CADPS: variants seen among roughly 807,000 people sequenced by gnomAD.
CADPS encodes the protein calcium dependent secretion activator.
In CADPS, 57 loss-of-function variants were observed where a neutral mutation model predicts 167.3. The ratio of observed to expected loss-of-function variants is 0.34; its 90% CI spans 0.28 to 0.42. The LOEUF (loss-of-function observed/expected upper bound fraction) is 0.42, where lower values mean the gene tolerates loss of function less well. Ranked by LOEUF, CADPS falls within the 20% of genes least tolerant of loss-of-function variation. The probability of loss-of-function intolerance (pLI) is 1.00; values close to 1 mark genes in which losing one functional copy is unlikely to be tolerated. For missense variants in CADPS, 1,414 were observed against 1,738.1 expected, an observed-to-expected ratio of 0.81 and a Z score of 3.32; for synonymous variants, 676 against 635.3, an observed-to-expected ratio of 1.06 and a Z score of -0.96.
chr3:62,429,621 G>C (rs1384198999), intron 28 of CADPS, among the ~76,000 whole-genome samples: 3 of 151,862 alleles, frequency 2.0e-5, no homozygotes, highest in South Asian at 2.1e-4. Flanking sequence ...GTTTGTGTGT[G>C]TGTGTGTGTG....
chr3:62,694,512 CA>C (rs2079899083), intron 3 of CADPS, among the ~76,000 whole-genome samples: 1 of 151,986 alleles, frequency 6.6e-6, no homozygotes, highest in African/African-American at 2.4e-5. Flanking sequence ...GGGGGAAGAT[CA>C]ATTACATTAG....
At position 62,583,155 on chromosome 3, in the gene CADPS, GTCTCTCTCTCTCTCTC is replaced by G. The variant is rs61474581; in HGVS notation, c.1577+2014_1577+2029del. 2.5e-3 allele frequency among the ~76,000 whole-genome samples: 365 copies of G among 147,298 alleles called. 8 individuals carry two copies. Among genetic ancestry groups the G allele is most frequent in the Admixed American group, 0.022 (326 of 14,808 alleles). ...CTCTTTGATCTGCCCTACCCTCTTTGTCTCTCTCTCTCTCTCTCTCTCTCTCTCTCTCTTTCTACGT... is the reference window on the plus strand; with the variant it reads ...CTCTTTGATCTGCCCTACCCTCTTTGTCTCTCTCTCTCTCTCTTTCTACGT... On this transcript the variant is annotated intron_variant, in intron 8 of 29. Transcript: ENST00000383710.
chr3:62,445,875 C>G, intron 26 of CADPS, 78 bp from the exon 27 acceptor site: 1 of 1,016,580 alleles, frequency 9.8e-7, no homozygotes. Flanking sequence ...GTATCCCCAT[C>G]AGAATCAAAA....
At chr3:62,860,398 T>A (rs1056506766) in intron 1 of CADPS, among the ~76,000 whole-genome samples, 2 of 152,140 alleles carry the variant, frequency 1.3e-5, no homozygotes, top group African/African-American at 4.8e-5. Flanking sequence ...CCATCATCCC[T>A]CAGTATCTGC....
At chr3:62,444,959 A>ACCT (rs1260664074) in intron 27 of CADPS, among the ~76,000 whole-genome samples, 1 of 151,932 alleles carries the variant, frequency 6.6e-6, no homozygotes, top group Non-Finnish European at 1.5e-5. Flanking sequence ...ATAGACTCAC[A>ACCT]CCTCTTTTGT....
intron 13 of CADPS, among the ~76,000 whole-genome samples, chr3:62,518,876 T>C (rs1485338128): frequency 1.3e-5 from 2 of 152,186 alleles, no homozygotes; most frequent in African/African-American, 2.4e-5. Flanking sequence ...TGTTCAGATT[T>C]ATTTAAGTGC....
intron 17 of CADPS, among the ~76,000 whole-genome samples, chr3:62,503,914 C>T (rs1214274570): frequency 1.3e-5 from 2 of 152,036 alleles, no homozygotes; most frequent in African/African-American, 4.8e-5. Context: ...TCTAATAGTT[C>T]TGGTTTATAA....
intron 3 of CADPS, among the ~76,000 whole-genome samples, chr3:62,729,574 A>C (rs1236889748): frequency 6.6e-6 from 1 of 151,944 alleles, no homozygotes; most frequent in Admixed American, 6.6e-5. Context: ...AAGTTACTTA[A>C]GCATTTTGCA....
chr3:62,624,711 T>C (rs1310281638), intron 6 of CADPS, among the ~76,000 whole-genome samples: 3 of 152,198 alleles, frequency 2.0e-5, no homozygotes, highest in African/African-American at 7.2e-5. Context: ...AGCTACCTGA[T>C]GGTACTAAGT....
intron 26 of CADPS, among the ~76,000 whole-genome samples, chr3:62,450,942 C>T (rs2057951006): frequency 6.6e-6 from 1 of 152,102 alleles, no homozygotes. Context: ...CAGCTTTGGA[C>T]CTCCCATTCC....
At chr3:62,637,687 G>A (rs1453176806) in intron 6 of CADPS, among the ~76,000 whole-genome samples, 2 of 152,180 alleles carry the variant, frequency 1.3e-5, no homozygotes, top group African/African-American at 4.8e-5. Flanking sequence ...AAGTTACTCT[G>A]TTTTAGAGAT....
chr3:62,653,979 G>A (rs1397941886), intron 4 of CADPS, among the ~76,000 whole-genome samples: 1 of 152,090 alleles, frequency 6.6e-6, no homozygotes, highest in Admixed American at 6.6e-5. Flanking sequence ...CTTCTGAAAT[G>A]AGATGACAGG....
chr3:62,484,035 T>A (rs2150909843), intron 21 of CADPS, among the ~76,000 whole-genome samples: 1 of 152,292 alleles, frequency 6.6e-6, no homozygotes, highest in East Asian at 1.9e-4. Flanking sequence ...AGAAGCAAGC[T>A]TCATTTTGCA....
chr3:62,760,482 T>C (rs1161565405), intron 2 of CADPS, among the ~76,000 whole-genome samples: 1 of 152,046 alleles, frequency 6.6e-6, no homozygotes, highest in Non-Finnish European at 1.5e-5. Flanking sequence ...CTTGAACCTC[T>C]GGCCCCAAGA....
chr3:62,519,424 C>A (rs2151738568), intron 13 of CADPS, among the ~76,000 whole-genome samples: 1 of 152,254 alleles, frequency 6.6e-6, no homozygotes, highest in Admixed American at 6.5e-5. Flanking sequence ...AGCTTTCCTT[C>A]TTTTTTGATA....
intron 6 of CADPS, among the ~76,000 whole-genome samples, chr3:62,593,400 C>G (rs896119575): frequency 6.6e-6 from 1 of 152,174 alleles, no homozygotes; most frequent in Non-Finnish European, 1.5e-5. Flanking sequence ...CTGGGTAGAG[C>G]ACCAGGTGCG....
chr3:62,640,004 T>G (rs1395550914), intron 6 of CADPS, among the ~76,000 whole-genome samples: 3 of 152,184 alleles, frequency 2.0e-5, no homozygotes, highest in Non-Finnish European at 4.4e-5. Flanking sequence ...ATATATTCAT[T>G]TGTTCATTTG....
intron 1 of CADPS, among the ~76,000 whole-genome samples, chr3:62,834,910 T>G (rs2075678784): frequency 6.6e-6 from 1 of 152,278 alleles, no homozygotes; most frequent in African/African-American, 2.4e-5. Context: ...AAATATGCAC[T>G]GGTAACATTG....
intron 9 of CADPS, among the ~76,000 whole-genome samples, chr3:62,562,192 G>C (rs926435636): frequency 6.6e-6 from 1 of 152,202 alleles, no homozygotes; most frequent in African/African-American, 2.4e-5. Flanking sequence ...TCTGAGCATG[G>C]AGAAAATTTT....
Sources: gnomAD v4.1 joint callset for allele counts (sites outside exome capture counted in the v4.1 genomes callset) on GRCh38, gnomAD v4.1.1 for gene constraint, MANE v1.5 for transcripts, NCBI Gene and HGNC (gene_info 2026-07-23, HGNC 2026-07-21) for gene names.